CADPS: variants seen among roughly 807,000 people sequenced by gnomAD.
The protein encoded by CADPS is calcium-dependent secretion activator 1.
In CADPS, 57 loss-of-function variants were observed where a neutral mutation model predicts 167.3. The ratio of observed to expected loss-of-function variants is 0.34; its 90% CI spans 0.28 to 0.42. The LOEUF (loss-of-function observed/expected upper bound fraction) is 0.42, where lower values mean the gene tolerates loss of function less well. CADPS is among the 20% of genes least tolerant of loss of function. CADPS has a pLI of 1.00. For missense variants in CADPS, 1,414 were observed against 1,738.1 expected, an observed-to-expected ratio of 0.81 and a Z score of 3.32; for synonymous variants, 676 against 635.3, an observed-to-expected ratio of 1.06 and a Z score of -0.96.
At chr3:62,616,885 G>C (rs1355044720) in intron 6 of CADPS, among the ~76,000 whole-genome samples, 2 of 152,066 alleles carry the variant, frequency 1.3e-5, no homozygotes, top group African/African-American at 4.8e-5. Flanking sequence ...ACTTAGACAT[G>C]TTCTTTCTCA....
intron 3 of CADPS, among the ~76,000 whole-genome samples, chr3:62,695,950 T>C (rs1173718100): frequency 3.9e-5 from 6 of 152,126 alleles, no homozygotes; most frequent in Non-Finnish European, 7.4e-5. Flanking sequence ...GGTTGGGTCT[T>C]TATTCTGAAC....
intron 6 of CADPS, among the ~76,000 whole-genome samples, chr3:62,594,139 ATTTATTTT>A (rs2086710994): frequency 3.4e-5 from 5 of 148,950 alleles, no homozygotes; most frequent in East Asian, 4.0e-4. Context: ...TATTTTTTTT[ATTTATTTT>A]TTTTATTTTT....
chr3:62,628,020 A>G (rs1055661675), intron 6 of CADPS, among the ~76,000 whole-genome samples: 14 of 152,202 alleles, frequency 9.2e-5, no homozygotes, highest in African/African-American at 3.1e-4. Flanking sequence ...AGTCATATCT[A>G]AACACCTAGC....
chr3:62,408,284 T>C (rs1445407350), intron 28 of CADPS, among the ~76,000 whole-genome samples: 3 of 152,234 alleles, frequency 2.0e-5, no homozygotes, highest in Non-Finnish European at 4.4e-5. Context: ...TTGTCTTTAA[T>C]GAAAATTTTG....
At chr3:62,721,709 A>G (rs930011535) in intron 3 of CADPS, among the ~76,000 whole-genome samples, 1 of 152,222 alleles carries the variant, frequency 6.6e-6, no homozygotes, top group African/African-American at 2.4e-5. Context: ...TATGACAATA[A>G]TTATTATTAC....
intron 13 of CADPS, among the ~76,000 whole-genome samples, chr3:62,521,135 G>T (rs140588196): frequency 3.3e-5 from 5 of 152,264 alleles, no homozygotes; most frequent in Non-Finnish European, 7.4e-5. Context: ...GGGGGGTAGG[G>T]GTTGAGAACT....
intron 3 of CADPS, among the ~76,000 whole-genome samples, chr3:62,745,328 C>T (rs2081227505): frequency 6.6e-6 from 1 of 152,176 alleles, no homozygotes; most frequent in Non-Finnish European, 1.5e-5. Flanking sequence ...ACTCCTCAGG[C>T]TCCCAAAGTG....
intron 8 of CADPS, among the ~76,000 whole-genome samples, chr3:62,572,560 A>G (rs1383868075): frequency 6.6e-6 from 1 of 152,114 alleles, no homozygotes; most frequent in African/African-American, 2.4e-5. Flanking sequence ...AAGTGCCTCA[A>G]ACTTTGGCCT....
At position 62,399,084 on chromosome 3, in the gene CADPS, ACATAGTACATGAATGAAGCAT is replaced by A. The variant is rs1704988221; in HGVS notation, c.*301_*321del. ...TCACATCCATTTACCACCAATGCAT[ACATAGTACATGAATGAAGCAT>A]CATTGATCTTTGCTGATAACAGGGA... On this transcript the variant is annotated 3_prime_UTR_variant, in exon 30 of 30. Transcript: ENST00000383710. The surrounding 1 kb of genome is among the most constrained non-coding windows in gnomAD (Gnocchi z 5.6). 4.4e-6 allele frequency: 1 copy of A among 226,612 alleles called. No individual in the cohort carries two copies. Among genetic ancestry groups the A allele is most frequent in the African/African-American group, 2.2e-5 (1 of 44,474 alleles). The allele number at this position is 226,612 out of a possible 1,614,324, so 14.0% of individuals were successfully genotyped here. A position where few individuals can be genotyped will look rare whatever the true frequency, so the allele number is the denominator to read the frequency against.
At chr3:62,534,673 GA>G (rs1288508403) in intron 12 of CADPS, among the ~76,000 whole-genome samples, 1 of 152,112 alleles carries the variant, frequency 6.6e-6, no homozygotes, top group Non-Finnish European at 1.5e-5. Flanking sequence ...CGAAGACACA[GA>G]AAAATTTATG....
intron 6 of CADPS, among the ~76,000 whole-genome samples, chr3:62,640,860 T>TA (rs1490025430): frequency 6.6e-6 from 1 of 152,174 alleles, no homozygotes; most frequent in African/African-American, 2.4e-5. Context: ...GAGGACAACT[T>TA]ACATTATACA....
At chr3:62,777,684 A>T (rs1440238485) in intron 1 of CADPS, among the ~76,000 whole-genome samples, 2 of 152,064 alleles carry the variant, frequency 1.3e-5, no homozygotes, top group Non-Finnish European at 2.9e-5. Flanking sequence ...TTTCTGCTCA[A>T]TTTTTTTATA....
At chr3:62,778,898 GA>G (rs1309999654) in intron 1 of CADPS, among the ~76,000 whole-genome samples, 1 of 125,972 alleles carries the variant, frequency 7.9e-6, no homozygotes, top group African/African-American at 2.8e-5. Flanking sequence ...TTTCCAGAAA[GA>G]ACATTTACTT....
At chr3:62,463,926 A>G (rs1233881138) in intron 26 of CADPS, among the ~76,000 whole-genome samples, 2 of 152,148 alleles carry the variant, frequency 1.3e-5, no homozygotes, top group African/African-American at 2.4e-5. Context: ...AACTGTTTTA[A>G]ATGTTCTGTT....
intron 3 of CADPS, among the ~76,000 whole-genome samples, chr3:62,677,853 G>A (rs1024720344): frequency 2.0e-5 from 3 of 152,070 alleles, no homozygotes; most frequent in Non-Finnish European, 4.4e-5. Context: ...TTCATATGTG[G>A]TGAAAAAATT....
At chr3:62,592,383 A>T (rs1477149455) in intron 7 of CADPS, among the ~76,000 whole-genome samples, 1 of 152,156 alleles carries the variant, frequency 6.6e-6, no homozygotes, top group Non-Finnish European at 1.5e-5. Context: ...GTCTGATAGT[A>T]TTGAGAACTC....
At chr3:62,537,335 G>A (rs984001805) in intron 11 of CADPS, among the ~76,000 whole-genome samples, 23 of 152,190 alleles carry the variant, frequency 1.5e-4, no homozygotes, top group South Asian at 6.2e-4. Context: ...TTCCTTACGG[G>A]GTGAAGGCTG....
rs180938634 is a variant in CADPS, at chr3:62,563,842, C to T, written c.1645-6329G>A. Among the ~76,000 whole-genome samples, 313 of 152,206 alleles carry T rather than the reference C, an allele frequency of 2.1e-3. 1 individual carries two copies. Among genetic ancestry groups the T allele is most frequent in the African/African-American group, 7.2e-3 (300 of 41,526 alleles). ...TCACTTAGAATAATAGTCTCCAATC[C>T]CATCCAAATTGCTGTGAATGCCATT... On this transcript the variant is annotated intron_variant, in intron 9 of 29. Coordinates refer to ENST00000383710, the MANE Select transcript of CADPS (RefSeq NM_003716.4).
intron 1 of CADPS, among the ~76,000 whole-genome samples, chr3:62,814,012 G>A (rs1000538214): frequency 1.3e-5 from 2 of 152,086 alleles, no homozygotes; most frequent in Non-Finnish European, 2.9e-5. Flanking sequence ...TCTGCACACA[G>A]CACTTACTAA....
Sources: gnomAD v4.1 joint callset for allele counts (sites outside exome capture counted in the v4.1 genomes callset) on GRCh38, gnomAD v4.1.1 for gene constraint, Gnocchi (gnomAD v3.1) non-coding constraint, MANE v1.5 for transcripts, NCBI Gene and HGNC (gene_info 2026-07-23, HGNC 2026-07-21) for gene names.